The following RANBP2 variants were observed in gnomAD, a reference collection of about 807,000 sequenced individuals.
RANBP2 encodes RAN binding protein 2, also known as E3 SUMO-protein ligase RanBP2.
A neutral mutation model predicts 303.6 loss-of-function variants in RANBP2; 57 were observed. The ratio of observed to expected loss-of-function variants is 0.19; its 90% CI spans 0.15 to 0.23. RANBP2 has a LOEUF of 0.23. RANBP2 is among the 10% of genes least tolerant of loss of function. The pLI is 1.00. For synonymous variants in RANBP2, 1,167 were observed against 1,301.5 expected (o/e 0.90, Z 2.23); for missense variants, 3,138 against 3,780.8 (o/e 0.83, Z 4.46).
chr2:109,309,451 C>T, the RANBP2 span, among the ~76,000 whole-genome samples: 1 of 129,718 alleles, frequency 7.7e-6, no homozygotes, highest in Non-Finnish European at 1.6e-5. Flanking sequence ...AACTAACGAG[C>T]AAAATCACTA....
chr2:108,966,477 C>T, the RANBP2 span, among the ~76,000 whole-genome samples: 39 of 152,322 alleles, frequency 2.6e-4, 1 homozygote, highest in Middle Eastern at 0.01. Context: ...TCGCGGGCCC[C>T]GGTGCAGTTA....
the RANBP2 span, among the ~76,000 whole-genome samples, chr2:109,621,844 C>T: frequency 4.6e-5 from 7 of 151,858 alleles, no homozygotes; most frequent in African/African-American, 1.7e-4. Flanking sequence ...ACCCGGGAGG[C>T]GGAGGTTGCA....
the RANBP2 span, among the ~76,000 whole-genome samples, chr2:109,494,042 T>C: frequency 6.6e-6 from 1 of 152,186 alleles, no homozygotes; most frequent in African/African-American, 2.4e-5. Flanking sequence ...AGAGTTGGTC[T>C]GCCGGCTCGT....
the RANBP2 span, among the ~76,000 whole-genome samples, chr2:109,606,393 G>A: frequency 2.2e-4 from 34 of 152,126 alleles, 1 homozygote; most frequent in Admixed American, 1.6e-3. Flanking sequence ...CCAGTCTGGC[G>A]ACAAAGCAAG....
At chr2:109,198,222 C>T in the RANBP2 span, among the ~76,000 whole-genome samples, 2 of 152,116 alleles carry the variant, frequency 1.3e-5, no homozygotes, top group South Asian at 2.1e-4. Flanking sequence ...GGTTGTAAAT[C>T]GAAGCAAACC....
At chr2:109,392,279 G>T in the RANBP2 span, among the ~76,000 whole-genome samples, 1 of 152,204 alleles carries the variant, frequency 6.6e-6, no homozygotes, top group Non-Finnish European at 1.5e-5. Flanking sequence ...GTGACGAGGG[G>T]ATGGCAGCAG....
the RANBP2 span, chr2:109,544,625 A>C: frequency 2.1e-6 from 2 of 943,712 alleles, no homozygotes; most frequent in East Asian, 2.3e-4. Context: ...GGGAAATCTA[A>C]TTTTAGTAAC....
chr2:109,567,820 T>C, the RANBP2 span: 3 of 1,589,340 alleles, frequency 1.9e-6, no homozygotes, highest in East Asian at 2.2e-5. Context: ...CTCACATTCA[T>C]TGCAGCGTTG....
the RANBP2 span, among the ~76,000 whole-genome samples, chr2:109,654,752 G>A: frequency 6.6e-6 from 1 of 152,132 alleles, no homozygotes; most frequent in Non-Finnish European, 1.5e-5. Context: ...TCAGGGCAGG[G>A]AATACACCTG....
At chr2:108,762,979 C>T (rs1274327833) in intron 19 of RANBP2, among the ~76,000 whole-genome samples, 1 of 152,088 alleles carries the variant, frequency 6.6e-6, no homozygotes, top group Non-Finnish European at 1.5e-5. Flanking sequence ...CCTACTTATG[C>T]CTAGTGCTCC....
At chr2:109,002,627 C>T in the RANBP2 span, among the ~76,000 whole-genome samples, 1 of 152,158 alleles carries the variant, frequency 6.6e-6, no homozygotes, top group Admixed American at 6.5e-5. Flanking sequence ...CCTAGGTTCC[C>T]TCTGCTCCCC....
the RANBP2 span, among the ~76,000 whole-genome samples, chr2:109,531,480 A>G: frequency 1.3e-5 from 2 of 152,164 alleles, no homozygotes; most frequent in Admixed American, 1.3e-4. Context: ...GGCGAATCCA[A>G]TCCTCCACCC....
chr2:109,603,511 T>C, the RANBP2 span, among the ~76,000 whole-genome samples: 1 of 151,982 alleles, frequency 6.6e-6, no homozygotes, highest in Non-Finnish European at 1.5e-5. Flanking sequence ...AGAGCTGGGA[T>C]TACAGGCGTG....
chr2:109,194,715 C>T, the RANBP2 span, among the ~76,000 whole-genome samples: 2 of 152,184 alleles, frequency 1.3e-5, no homozygotes, highest in Non-Finnish European at 2.9e-5. Context: ...TTCCCTCCAC[C>T]CTAAACACTG....
chr2:108,898,385 T>G, the RANBP2 span, among the ~76,000 whole-genome samples: 2 of 151,970 alleles, frequency 1.3e-5, no homozygotes, highest in African/African-American at 4.8e-5. Context: ...TTAGTGAAGG[T>G]TGAGTGGGGA....
the RANBP2 span, among the ~76,000 whole-genome samples, chr2:109,518,475 G>A: frequency 6.6e-6 from 1 of 152,184 alleles, no homozygotes; most frequent in East Asian, 1.9e-4. Context: ...GCAGACCCCA[G>A]AGCCTACGGC....
At chr2:108,813,008 G>A in the RANBP2 span, 1 of 1,148,316 alleles carries the variant, frequency 8.7e-7, no homozygotes, top group Non-Finnish European at 1.3e-6. Flanking sequence ...CCAGCACTTT[G>A]GGAGGCTGAG....
chr2:109,042,439 A>G, the RANBP2 span, among the ~76,000 whole-genome samples: 1,296 of 152,282 alleles, frequency 8.5e-3, 20 homozygotes, highest in African/African-American at 0.03. Context: ...ACTAGGTCTC[A>G]TCCCAAACTC....
chr2:109,552,152 T>C, the RANBP2 span, among the ~76,000 whole-genome samples: 1 of 152,150 alleles, frequency 6.6e-6, no homozygotes, highest in Admixed American at 6.5e-5. Context: ...GAGAATCTAA[T>C]GCCTGATGAT....
Sources: allele counts gnomAD v4.1 joint callset (sites outside exome capture counted in the v4.1 genomes callset), GRCh38; gene constraint gnomAD v4.1.1; transcripts MANE v1.5; gene names NCBI Gene and HGNC (gene_info 2026-07-23, HGNC 2026-07-21).